The following ZFYVE9 variants were observed in gnomAD, a reference collection of about 807,000 sequenced individuals.
The protein encoded by ZFYVE9 is zinc finger FYVE domain-containing protein 9.
In ZFYVE9, 43 loss-of-function variants were observed where a neutral mutation model predicts 126.7. The observed-to-expected ratio is 0.34, with a 90% confidence interval of 0.27 to 0.44. ZFYVE9 has a LOEUF of 0.44. Among genes scored for constraint, ZFYVE9 ranks in the 20% least tolerant of loss-of-function variants. ZFYVE9 has a pLI of 1.00. For missense variants in ZFYVE9, 1,476 were observed against 1,697.0 expected (o/e 0.87, Z 2.29); for synonymous variants, 521 against 597.4 (o/e 0.87, Z 1.87).
chr1:52,255,761 C>T (rs908455791), intron 4 of ZFYVE9, among the ~76,000 whole-genome samples: 4 of 151,738 alleles, frequency 2.6e-5, no homozygotes, highest in Middle Eastern at 3.4e-3. Flanking sequence ...GGTATTGCGG[C>T]GCGTACCTGT....
At chr1:52,229,599 T>C (rs1238351424) in intron 2 of ZFYVE9, among the ~76,000 whole-genome samples, 1 of 152,232 alleles carries the variant, frequency 6.6e-6, no homozygotes, top group Non-Finnish European at 1.5e-5. Context: ...TGTTCATTTA[T>C]TCATTCTGCA....
intron 8 of ZFYVE9, among the ~76,000 whole-genome samples, chr1:52,278,246 T>A (rs1185311881): frequency 6.6e-6 from 1 of 152,138 alleles, no homozygotes; most frequent in East Asian, 1.9e-4. Context: ...CAAACCACTG[T>A]GGGGAGAGGT....
Position 52,339,949 on chromosome 1 carries a change from C to G in ZFYVE9, c.3834-177C>G, listed in dbSNP as rs142733881. ...CAGTGCATAGATTCTTTCCCAAGAG[C>G]TCAGTTCATGTACATTTTTATACAG... On this transcript the variant is annotated intron_variant, in intron 16 of 18. Coordinates refer to ENST00000287727, the MANE Select transcript of ZFYVE9 (RefSeq NM_004799.4). Among the ~76,000 whole-genome samples, 868 of 152,292 alleles carry G rather than the reference C, an allele frequency of 5.7e-3. 5 individuals are homozygous for G. The highest frequency in any genetic ancestry group is 0.013 in the South Asian group (65 of 4,828).
intron 4 of ZFYVE9, among the ~76,000 whole-genome samples, chr1:52,260,337 C>A (rs1051367625): frequency 2.6e-5 from 4 of 152,000 alleles, no homozygotes; most frequent in African/African-American, 9.7e-5. Context: ...AATGTGAGTT[C>A]TTTGCCTTAT....
intron 10 of ZFYVE9, among the ~76,000 whole-genome samples, chr1:52,288,506 T>C (rs1471619959): frequency 6.6e-6 from 1 of 152,178 alleles, no homozygotes; most frequent in Admixed American, 6.6e-5. Context: ...TACACTAAAC[T>C]GAGGACATGA....
chr1:52,274,570 C>T lies in ZFYVE9; in HGVS notation c.2732C>T (p.Thr911Ile), dbSNP rs1557494799. 6.2e-7 allele frequency: 1 copy of T among 1,610,818 alleles called. No individual in the cohort carries two copies. ...EDGLPPILIS[T>I]GVKGDYAVEE... Reference sequence around the variant, plus strand: ...GGCCTTCCTCCCATTCTCATCTCCACTGGTGTAAAAGGAGGTAAGTGGACT... The same window carrying T: ...GGCCTTCCTCCCATTCTCATCTCCATTGGTGTAAAAGGAGGTAAGTGGACT... Residue 911 changes from threonine to isoleucine, a missense_variant, in exon 8 of 19, where the codon ACT (threonine) becomes ATT (isoleucine). By Grantham distance (89) the Thr-to-Ile change is moderately conservative (BLOSUM62 -1). Coordinates refer to ENST00000287727, the MANE Select transcript of ZFYVE9 (RefSeq NM_004799.4).
intron 13 of ZFYVE9, among the ~76,000 whole-genome samples, chr1:52,318,326 G>A (rs1414836688): frequency 6.6e-6 from 1 of 151,442 alleles, no homozygotes; most frequent in Non-Finnish European, 1.5e-5. Context: ...AAAAGCAGTT[G>A]ACGAAATCCT....
At chr1:52,330,177 A>T (rs1349663628) in intron 13 of ZFYVE9, among the ~76,000 whole-genome samples, 1 of 152,232 alleles carries the variant, frequency 6.6e-6, no homozygotes, top group Admixed American at 6.5e-5. Flanking sequence ...CGGGAGTTCG[A>T]GACCAGCCTG....
chr1:52,243,235 G>T (rs2124636700), intron 4 of ZFYVE9, among the ~76,000 whole-genome samples: 5 of 152,314 alleles, frequency 3.3e-5, no homozygotes, highest in Admixed American at 3.3e-4. Flanking sequence ...CTCATGGTAT[G>T]TAAAGATTAG....
chr1:52,291,744 G>C (rs1237626958), intron 10 of ZFYVE9, among the ~76,000 whole-genome samples: 1 of 151,860 alleles, frequency 6.6e-6, no homozygotes, highest in Non-Finnish European at 1.5e-5. Context: ...CAGGCGTGGT[G>C]GTGGGTGCCT....
chr1:52,281,795 C>G lies in ZFYVE9; in HGVS notation c.3004C>G (p.Leu1002Val). 6.2e-7 allele frequency: 1 copy of G among 1,614,140 alleles called. No homozygotes were observed. Among genetic ancestry groups the G allele is most frequent in the Non-Finnish European group, 8.5e-7 (1 of 1,180,016 alleles). ...PKDIFNHFVQ[L>V]YRDALAGNVV... ...GGATATCTTTAATCACTTTGTGCAG[C>G]TTTATCGGGATGCTCTGGCAGGTAG... Residue 1002 changes from leucine to valine, a missense_variant, in exon 10 of 19, where the codon CTT becomes GTT. Coordinates refer to ENST00000287727, the MANE Select transcript of ZFYVE9 (RefSeq NM_004799.4).
rs186563643 is a variant in ZFYVE9 at position 52,238,579 on chromosome 1, A to T, written c.1162A>T (p.Asn388Tyr). ...AACTCTTGGCACTACAGAATTCCTT[A>T]ATATGACAGAGCATTTCTCTGAATC... Reference protein sequence around the residue: ...EETLGTTEFLNMTEHFSESQD... With the variant: ...EETLGTTEFLYMTEHFSESQD... Residue 388 changes from asparagine to tyrosine, a missense_variant, in exon 4 of 19, where the codon AAT becomes TAT. By Grantham distance (143) the Asn-to-Tyr change is moderately radical (BLOSUM62 -2). Coordinates refer to ENST00000287727, the MANE Select transcript of ZFYVE9 (RefSeq NM_004799.4). The T allele has an allele frequency of 6.2e-7, 1 of 1,614,096 alleles. No homozygotes were observed. Among genetic ancestry groups the T allele is most frequent in the East Asian group, 2.2e-5 (1 of 44,886 alleles).
chr1:52,238,727 G>T lies in ZFYVE9; in HGVS notation c.1310G>T (p.Gly437Val). Residue 437 changes from glycine (G) to valine (V), a missense_variant, in exon 4 of 19, where the codon GGA becomes GTA. Around this residue, in one of 2 missense-constraint regions of ZFYVE9, gnomAD observed 807 missense variants for 794.6 expected, o/e 1.02. Coordinates refer to ENST00000287727, the MANE Select transcript of ZFYVE9 (RefSeq NM_004799.4). ...QPEDTNGDSG[G>V]QCVGLADAGL... ...GAGGACACTAATGGTGATAGTGGAGGACAGTGTGTTGGATTGGCAGATGCA... is the reference window on the plus strand; with the variant it reads ...GAGGACACTAATGGTGATAGTGGAGTACAGTGTGTTGGATTGGCAGATGCA... 1 of 1,614,124 alleles carries T rather than the reference G, an allele frequency of 6.2e-7. No individual in the cohort carries two copies. The highest frequency in any genetic ancestry group is 1.1e-5 in the South Asian group (1 of 91,068).
chr1:52,333,796 A>G (rs1216231702), intron 14 of ZFYVE9, among the ~76,000 whole-genome samples: 1 of 149,948 alleles, frequency 6.7e-6, no homozygotes, highest in Non-Finnish European at 1.5e-5. Flanking sequence ...TCTCTTAAAA[A>G]AAAAAAAAAA....
intron 12 of ZFYVE9, among the ~76,000 whole-genome samples, chr1:52,296,885 C>T (rs1436924388): frequency 1.3e-5 from 2 of 152,050 alleles, no homozygotes; most frequent in Admixed American, 6.6e-5. Flanking sequence ...ACGATCTCAG[C>T]TCATTGCAAC....
chr1:52,164,642 G>GTCCA (rs1479488508), intron 1 of ZFYVE9, among the ~76,000 whole-genome samples: 2 of 151,296 alleles, frequency 1.3e-5, no homozygotes, highest in African/African-American at 4.9e-5. Context: ...TTGTCCGTCC[G>GTCCA]TCCATCCGTC....
chr1:52,285,750 T>A (rs1645852221), intron 10 of ZFYVE9, among the ~76,000 whole-genome samples: 1 of 152,120 alleles, frequency 6.6e-6, no homozygotes, highest in African/African-American at 2.4e-5. Flanking sequence ...CACAATAAAT[T>A]TAATGCGCTT....
chr1:52,180,664 A>G (rs1240294248), intron 1 of ZFYVE9: 1 of 419,044 alleles, frequency 2.4e-6, no homozygotes. Context: ...TATGTTTCAA[A>G]TCTTTACATT....
intron 1 of ZFYVE9, among the ~76,000 whole-genome samples, chr1:52,184,930 G>T (rs1644750864): frequency 6.6e-6 from 1 of 152,054 alleles, no homozygotes; most frequent in Admixed American, 6.5e-5. Context: ...CAAGGGGGAG[G>T]ATTGTTTGAG....
Sources: allele counts gnomAD v4.1 joint callset (sites outside exome capture counted in the v4.1 genomes callset), GRCh38; gene constraint gnomAD v4.1.1; regional missense constraint gnomAD v4.1.1; transcripts MANE v1.5; gene names NCBI Gene and HGNC (gene_info 2026-07-23, HGNC 2026-07-21).